FRK: variants seen among roughly 807,000 people sequenced by gnomAD.
The protein encoded by FRK is tyrosine-protein kinase FRK.
FRK carries 51 observed loss-of-function variants against 56.4 expected under a neutral mutation model. The observed-to-expected ratio is 0.90, with a 90% CI of 0.72 to 1.14. The LOEUF (loss-of-function observed/expected upper bound fraction) is 1.14. Among genes scored for constraint, FRK ranks in the 50% most tolerant of loss-of-function variants. The pLI is 0.00. For synonymous variants in FRK, 245 were observed against 217.9 expected, an observed-to-expected ratio of 1.12 and a Z score of -1.10; for missense variants, 570 against 601.4, an observed-to-expected ratio of 0.95 and a Z score of 0.55.
chr6:115,991,858 T>C (rs1284472940), intron 2 of FRK, among the ~76,000 whole-genome samples: 1 of 151,700 alleles, frequency 6.6e-6, no homozygotes, highest in Non-Finnish European at 1.5e-5. Context: ...CTAGCTCTTC[T>C]TTGTATGTCT....
At position 115,932,982 on chromosome 6, in the gene FRK, T is replaced by A. The variant is rs1259165471; in HGVS notation, c.*9432A>T. 1 of 152,220 alleles carries A rather than the reference T, an allele frequency of 6.6e-6. No individual in the cohort carries two copies. The highest frequency in any genetic ancestry group is 6.5e-5 in the Admixed American group (1 of 15,276). 9.4% of individuals were successfully genotyped at this position (152,220 alleles called of 1,614,324 possible). A position where few individuals can be genotyped will look rare whatever the true frequency, so the allele number is the denominator to read the frequency against. On this transcript the variant is annotated 3_prime_UTR_variant, in exon 8 of 8. Transcript: ENST00000606080. Reference sequence around the variant, plus strand: ...CCATTCCCACAGCCAGTTTGCAGATTCCTGGTCACTCTGACTTTAACTTTG... The same window carrying A: ...CCATTCCCACAGCCAGTTTGCAGATACCTGGTCACTCTGACTTTAACTTTG...
chr6:116,044,402 A>G (rs573613271), intron 1 of FRK, among the ~76,000 whole-genome samples: 2 of 152,378 alleles, frequency 1.3e-5, no homozygotes, highest in East Asian at 3.9e-4. Context: ...AGTCGGTTTC[A>G]TCCTTCGGAT....
chr6:115,962,411 C>G (rs1453203913), intron 4 of FRK, among the ~76,000 whole-genome samples: 5 of 144,166 alleles, frequency 3.5e-5, no homozygotes, highest in African/African-American at 1.3e-4. Context: ...CCTGAGTGAC[C>G]TACAAAGAGA....
chr6:115,973,872 GA>G (rs34745163), intron 2 of FRK, among the ~76,000 whole-genome samples: 100,643 of 137,520 alleles, frequency 0.73, 35,689 homozygotes, highest in South Asian at 0.87. Context: ...CACAGTCTCA[GA>G]AAAAAAAAAA....
chr6:116,090,328 G>A, the FRK span, among the ~76,000 whole-genome samples: 21 of 152,168 alleles, frequency 1.4e-4, no homozygotes, highest in Non-Finnish European at 2.4e-4. Flanking sequence ...GTGATGATAC[G>A]GGACAGTGAT....
intron 1 of FRK, among the ~76,000 whole-genome samples, chr6:116,037,758 T>C (rs1265220365): frequency 6.6e-6 from 1 of 152,238 alleles, no homozygotes; most frequent in Non-Finnish European, 1.5e-5. Context: ...TTTCTAATGT[T>C]TATTAAAAAT....
intron 1 of FRK, among the ~76,000 whole-genome samples, chr6:116,051,056 C>A (rs887480970): frequency 1.4e-4 from 21 of 152,234 alleles, no homozygotes; most frequent in African/African-American, 4.3e-4. Context: ...ACAATACTGG[C>A]CTTTCAGAGG....
intron 1 of FRK, among the ~76,000 whole-genome samples, chr6:116,008,777 G>A (rs1775350693): frequency 6.6e-6 from 1 of 152,100 alleles, no homozygotes; most frequent in Non-Finnish European, 1.5e-5. Context: ...CAGTTCTTAC[G>A]TGCAGTAGAC....
chr6:116,057,971 TACATACGA>T (rs1190816884), intron 1 of FRK, among the ~76,000 whole-genome samples: 1 of 152,198 alleles, frequency 6.6e-6, no homozygotes, highest in East Asian at 1.9e-4. Flanking sequence ...ACTGAACCAC[TACATACGA>T]ACATAAGAGC....
chr6:115,987,272 A>G (rs1462877091), intron 2 of FRK, among the ~76,000 whole-genome samples: 1 of 152,020 alleles, frequency 6.6e-6, no homozygotes, highest in Non-Finnish European at 1.5e-5. Flanking sequence ...ACTGAAAAGG[A>G]AGCTGAGGCA....
rs143351471 is a variant in FRK at position 115,968,725 on chromosome 6, C to G, written c.481G>C (p.Val161Leu). Residue 161 changes from valine (V) to leucine (L), a missense_variant, in exon 3 of 8, where the codon GTT (valine) becomes CTT (leucine). Physicochemically the swap from Val to Leu is conservative, Grantham distance 32. Coordinates refer to ENST00000606080, the MANE Select transcript of FRK (RefSeq NM_002031.3). ...EFSLSVLDGAVVKHYRIKRLD... is the reference protein window; with the variant it reads ...EFSLSVLDGALVKHYRIKRLD... ...CTTTTAATTCTGTAGTGTTTTACAACTGCTCCATCTAAAACTGGAACCCAA... is the reference window on the plus strand; with the variant it reads ...CTTTTAATTCTGTAGTGTTTTACAAGTGCTCCATCTAAAACTGGAACCCAA... 1 of 1,612,788 alleles carries G rather than the reference C, an allele frequency of 6.2e-7. No homozygotes were observed. Among genetic ancestry groups the G allele is most frequent in the Admixed American group, 1.7e-5 (1 of 59,784 alleles).
chr6:116,051,972 C>A (rs1183444364), intron 1 of FRK, among the ~76,000 whole-genome samples: 1 of 151,956 alleles, frequency 6.6e-6, no homozygotes, highest in Non-Finnish European at 1.5e-5. Flanking sequence ...AAGTCTGGCC[C>A]CACAACATTA....
rs1278914377 is a variant in FRK, at chr6:116,028,546, AATCTGTTC to A, written c.345-24556_345-24549del. On this transcript the variant is annotated intron_variant, in intron 1 of 7. Transcript: ENST00000606080. ...GCTCCTTCTGCGGTCAGTGAGGGAAAATCTGTTCCATGGCTCTCTCCTAGCTTCTGGTG... is the reference window on the plus strand; with the variant it reads ...GCTCCTTCTGCGGTCAGTGAGGGAAACATGGCTCTCTCCTAGCTTCTGGTG... 3.9e-5 allele frequency among the ~76,000 whole-genome samples: 6 copies of A among 152,122 alleles called. No homozygotes were observed. In the South Asian group the frequency reaches 1.0e-3, roughly 26 times the overall value.
At chr6:116,021,142 GA>G (rs1232016994) in intron 1 of FRK, among the ~76,000 whole-genome samples, 1 of 148,532 alleles carries the variant, frequency 6.7e-6, no homozygotes, top group African/African-American at 2.5e-5. Flanking sequence ...AAAATATATT[GA>G]AAAAATAAAT....
intron 2 of FRK, among the ~76,000 whole-genome samples, chr6:115,999,987 G>T (rs546616893): frequency 1.3e-5 from 2 of 152,202 alleles, no homozygotes; most frequent in East Asian, 3.9e-4. Flanking sequence ...ATGATATGCT[G>T]GTCTCTAAGC....
chr6:115,941,293 T>G lies in FRK; in HGVS notation c.*1121A>C, dbSNP rs1029790525. 2.5e-5 allele frequency: 3 copies of G among 121,154 alleles called. No homozygotes were observed. The highest frequency in any genetic ancestry group is 5.4e-5 in the Non-Finnish European group (3 of 56,048). 7.5% of individuals were successfully genotyped at this position (121,154 alleles called of 1,614,324 possible). A position where few individuals can be genotyped will look rare whatever the true frequency, so the allele number is the denominator to read the frequency against. ...TCACTCATAAGTGGGAGCTGAACAA[T>G]GAGAACATATGGACACAAGGAGGGG... On this transcript the variant is annotated 3_prime_UTR_variant, in exon 8 of 8. Transcript: ENST00000606080.
chr6:115,944,865 T>A (rs996079467), intron 5 of FRK, among the ~76,000 whole-genome samples: 1 of 152,104 alleles, frequency 6.6e-6, no homozygotes, highest in Non-Finnish European at 1.5e-5. Flanking sequence ...TTCCTGATCC[T>A]TTCCTTCCTC....
chr6:116,056,744 C>T (rs1178013906), intron 1 of FRK, among the ~76,000 whole-genome samples: 3 of 152,086 alleles, frequency 2.0e-5, no homozygotes, highest in African/African-American at 7.2e-5. Flanking sequence ...CGAGGGATTT[C>T]ACATTGAAGA....
At chr6:116,005,637 G>T (rs1775220228) in intron 1 of FRK, among the ~76,000 whole-genome samples, 1 of 152,108 alleles carries the variant, frequency 6.6e-6, no homozygotes, top group African/African-American at 2.4e-5. Flanking sequence ...ATGGACTATT[G>T]TTTATGTAAC....
Sources: allele counts gnomAD v4.1 joint callset (sites outside exome capture counted in the v4.1 genomes callset), GRCh38; gene constraint gnomAD v4.1.1; transcripts MANE v1.5; gene names NCBI Gene and HGNC (gene_info 2026-07-23, HGNC 2026-07-21).